CAMTA1: variants seen among roughly 807,000 people sequenced by gnomAD.
CAMTA1 encodes the protein calmodulin binding transcription activator 1.
Under a neutral mutation model 170.9 loss-of-function variants are expected in CAMTA1, and 27 were observed. The observed-to-expected ratio is 0.16, with a 90% confidence interval of 0.12 to 0.22. The LOEUF (loss-of-function observed/expected upper bound fraction) is 0.22. Ranked by LOEUF, CAMTA1 falls within the 10% of genes least tolerant of loss-of-function variation. The pLI is 1.00. For missense variants in CAMTA1, 1,619 were observed against 2,217.2 expected (o/e 0.73, Z 5.42); for synonymous variants, 833 against 891.5 (o/e 0.93, Z 1.17).
At chr1:7,260,379 ATGTAGCATAGGCTTGTT>A (rs1248164203) in intron 5 of CAMTA1, among the ~76,000 whole-genome samples, 1 of 152,242 alleles carries the variant, frequency 6.6e-6, no homozygotes, top group African/African-American at 2.4e-5. Context: ...TCTTTAATGC[ATGTAGCATAGGCTTGTT>A]TGTTTCTTCT....
intron 11 of CAMTA1, among the ~76,000 whole-genome samples, chr1:7,684,526 G>C (rs1359224567): frequency 6.6e-6 from 1 of 152,166 alleles, no homozygotes; most frequent in East Asian, 1.9e-4. Context: ...TTGCAGCTCT[G>C]GTGGCTGCTG....
chr1:7,353,431 C>T (rs1340639883), intron 5 of CAMTA1, among the ~76,000 whole-genome samples: 11 of 139,022 alleles, frequency 7.9e-5, no homozygotes, highest in African/African-American at 2.7e-4. Context: ...TTCTTTCTCT[C>T]TTTTTTTTTT....
chr1:6,839,973 G>A (rs1654982679), intron 3 of CAMTA1, among the ~76,000 whole-genome samples: 2 of 152,254 alleles, frequency 1.3e-5, no homozygotes, highest in Non-Finnish European at 1.5e-5. Context: ...GGCCGAGGTG[G>A]GCAGATCACC....
intron 5 of CAMTA1, among the ~76,000 whole-genome samples, chr1:7,348,859 A>G (rs2084428706): frequency 6.6e-6 from 1 of 152,216 alleles, no homozygotes. Flanking sequence ...GACGTCTGTG[A>G]TTGAGGAAAG....
chr1:7,210,503 G>T (rs1019220547), intron 4 of CAMTA1, among the ~76,000 whole-genome samples: 1 of 152,122 alleles, frequency 6.6e-6, no homozygotes, highest in African/African-American at 2.4e-5. Flanking sequence ...GTATCTGCTA[G>T]GTTTCTCCAG....
chr1:7,472,883 A>G (rs2093357513), intron 6 of CAMTA1, among the ~76,000 whole-genome samples: 1 of 152,106 alleles, frequency 6.6e-6, no homozygotes, highest in Admixed American at 6.5e-5. Flanking sequence ...CCAGTTCACC[A>G]TGGGGTTCAC....
intron 3 of CAMTA1, among the ~76,000 whole-genome samples, chr1:7,084,268 C>T (rs1051647816): frequency 6.6e-6 from 1 of 152,190 alleles, no homozygotes; most frequent in East Asian, 1.9e-4. Context: ...TGACATTGAG[C>T]CTGTATCTTG....
At chr1:7,612,205 T>C (rs1293618684) in intron 6 of CAMTA1, among the ~76,000 whole-genome samples, 1 of 152,140 alleles carries the variant, frequency 6.6e-6, no homozygotes, top group Non-Finnish European at 1.5e-5. Context: ...ACTTGAAGGA[T>C]GGTGAATGTG....
intron 5 of CAMTA1, among the ~76,000 whole-genome samples, chr1:7,296,110 G>C (rs1400529419): frequency 2.0e-5 from 3 of 152,178 alleles, no homozygotes; most frequent in Non-Finnish European, 1.5e-5. Flanking sequence ...ATGCCATGTG[G>C]GCCTCTCCAT....
chr1:6,819,431 C>T (rs1646236203), intron 1 of CAMTA1, among the ~76,000 whole-genome samples: 1 of 152,092 alleles, frequency 6.6e-6, no homozygotes, highest in South Asian at 2.1e-4. Flanking sequence ...GATTTACTTG[C>T]CATGCCATAA....
intron 4 of CAMTA1, among the ~76,000 whole-genome samples, chr1:7,141,206 A>G (rs1188379871): frequency 6.6e-6 from 1 of 152,002 alleles, no homozygotes; most frequent in African/African-American, 2.4e-5. Context: ...GAGTCATAGA[A>G]CCTTGCAAAG....
Position 7,592,631 on chromosome 1 carries a change from T to C in CAMTA1, c.511-47769T>C, listed in dbSNP as rs1019055572. ...CTACCAGTGCGGAATGAGTGGGGAG[T>C]GTCCAGGCGTTGCTGCATGAGTTGC... is the stretch of plus-strand genomic sequence containing the variant. On this transcript the variant is annotated intron_variant, in intron 6 of 22. Coordinates refer to ENST00000303635, the MANE Select transcript of CAMTA1 (RefSeq NM_015215.4). The surrounding 1 kb of genome is among the most constrained non-coding windows in gnomAD (Gnocchi z 4.6). Among the ~76,000 whole-genome samples, 5 of 151,800 alleles carry C rather than the reference T, an allele frequency of 3.3e-5. No individual in the cohort carries two copies. The highest frequency in any genetic ancestry group is 1.2e-4 in the African/African-American group (5 of 41,266).
chr1:7,002,470 T>C (rs781779534), intron 3 of CAMTA1, among the ~76,000 whole-genome samples: 1 of 152,212 alleles, frequency 6.6e-6, no homozygotes, highest in Non-Finnish European at 1.5e-5. Context: ...CTGTTTAAAT[T>C]GTGTGTTGGC....
chr1:7,029,507 A>AG (rs1156302913), intron 3 of CAMTA1, among the ~76,000 whole-genome samples: 1 of 151,074 alleles, frequency 6.6e-6, no homozygotes, highest in African/African-American at 2.4e-5. Context: ...AAAAAAAAAA[A>AG]AAAAAAATCA....
chr1:7,357,612 A>G (rs892239315), intron 5 of CAMTA1, among the ~76,000 whole-genome samples: 4 of 152,224 alleles, frequency 2.6e-5, no homozygotes, highest in Non-Finnish European at 4.4e-5. Context: ...CCTCTAAGCT[A>G]TCCAAAAAAT....
In CAMTA1 at chr1:7,565,354, A is replaced by C. The variant is rs561434807; in HGVS notation, c.511-75046A>C. On this transcript the variant is annotated intron_variant, in intron 6 of 22. Transcript: ENST00000303635. The surrounding 1 kb of genome is among the most constrained non-coding windows in gnomAD (Gnocchi z 4.5). The stretch of plus-strand genomic sequence containing the variant: ...GGGGCAGTGGGGTGAGTCTCTGAGC[A>C]GGGGCAGAAGGCTGGTGAGGGCCCA... 4.6e-5 allele frequency among the ~76,000 whole-genome samples: 7 copies of C among 152,234 alleles called. No individual in the cohort carries two copies. In the East Asian group the frequency reaches 1.4e-3, roughly 29 times the overall value.
At chr1:7,090,269 G>A (rs931511670) in intron 3 of CAMTA1, among the ~76,000 whole-genome samples, 3 of 152,202 alleles carry the variant, frequency 2.0e-5, no homozygotes, top group African/African-American at 7.2e-5. Context: ...GGTCACTGGT[G>A]TCAACTCCAT....
chr1:7,336,769 G>T (rs2083408009), intron 5 of CAMTA1, among the ~76,000 whole-genome samples: 1 of 152,160 alleles, frequency 6.6e-6, no homozygotes, highest in Non-Finnish European at 1.5e-5. Context: ...CAGGGGGCTG[G>T]GAACCTCCCC....
chr1:7,347,293 T>C (rs2084295155), intron 5 of CAMTA1, among the ~76,000 whole-genome samples: 1 of 152,144 alleles, frequency 6.6e-6, no homozygotes, highest in Non-Finnish European at 1.5e-5. Context: ...CATCCCTCAT[T>C]TTCTCAAAGG....
Sources: gnomAD v4.1 joint callset for allele counts (sites outside exome capture counted in the v4.1 genomes callset) on GRCh38, gnomAD v4.1.1 for gene constraint, Gnocchi (gnomAD v3.1) non-coding constraint, MANE v1.5 for transcripts, NCBI Gene and HGNC (gene_info 2026-07-23, HGNC 2026-07-21) for gene names.